The following PAN3 variants were observed in gnomAD, a reference collection of about 807,000 sequenced individuals.
The protein encoded by PAN3 is PAN2-PAN3 deadenylation complex subunit PAN3.
Under a neutral mutation model 96.2 loss-of-function variants are expected in PAN3, and 19 were observed. That is an observed-to-expected ratio of 0.20 (90% confidence interval 0.14 to 0.29). PAN3 has a LOEUF of 0.29. Among genes scored for constraint, PAN3 ranks in the 10% least tolerant of loss-of-function variants. The pLI is 1.00. For missense variants in PAN3, 882 were observed against 1,108.1 expected, an observed-to-expected ratio of 0.80 and a Z score of 2.90; for synonymous variants, 433 against 406.6, an observed-to-expected ratio of 1.06 and a Z score of -0.78.
intron 1 of PAN3, among the ~76,000 whole-genome samples, chr13:28,154,676 A>C (rs1054014834): frequency 6.6e-6 from 1 of 151,024 alleles, no homozygotes; most frequent in African/African-American, 2.4e-5. Context: ...TTGTATTTTT[A>C]GTAGAGACAG....
Position 28,177,849 on chromosome 13 carries a change from G to C in PAN3, c.620-16G>C, listed in dbSNP as rs372558632. On this transcript the variant is annotated splice_polypyrimidine_tract_variant and intron_variant, in intron 3 of 18. Transcript: ENST00000380958. Reference sequence around the variant, plus strand: ...CCAAGTTTTATGTGTGGAAACTTACGTAACTTACCTTTCAGATCCTCTAAC... The same window carrying C: ...CCAAGTTTTATGTGTGGAAACTTACCTAACTTACCTTTCAGATCCTCTAAC... 1 of 1,607,844 alleles carries C rather than the reference G, an allele frequency of 6.2e-7. No individual in the cohort carries two copies. The highest frequency in any genetic ancestry group is 1.1e-5 in the South Asian group (1 of 90,844).
intron 6 of PAN3, among the ~76,000 whole-genome samples, chr13:28,229,287 A>C (rs1234189542): frequency 6.6e-6 from 1 of 152,200 alleles, no homozygotes; most frequent in East Asian, 1.9e-4. Flanking sequence ...GCAATAACTG[A>C]TTTATCTAGC....
At chr13:28,255,779 AATTAT>A (rs1034755441) in intron 6 of PAN3, among the ~76,000 whole-genome samples, 1 of 151,662 alleles carries the variant, frequency 6.6e-6, no homozygotes, top group Non-Finnish European at 1.5e-5. Flanking sequence ...CAATTTTGTT[AATTAT>A]ATTTGGCTGA....
chr13:28,212,371 A>G (rs1178853232), intron 5 of PAN3, among the ~76,000 whole-genome samples: 1 of 152,214 alleles, frequency 6.6e-6, no homozygotes, highest in African/African-American at 2.4e-5. Flanking sequence ...TTTAGCTACA[A>G]CAGAGAGCAA....
At chr13:28,277,130 G>A in intron 14 of PAN3, 107 bp from the exon 15 acceptor site, 3 of 1,150,642 alleles carry the variant, frequency 2.6e-6, no homozygotes, top group Non-Finnish European at 3.6e-6. Flanking sequence ...GACCCTGCCT[G>A]CAGCTTATTT....
chr13:28,145,841 C>G (rs1870556573), intron 1 of PAN3, among the ~76,000 whole-genome samples: 1 of 150,842 alleles, frequency 6.6e-6, no homozygotes, highest in Non-Finnish European at 1.5e-5. Flanking sequence ...CACACTGCAG[C>G]CTCCACCTCC....
intron 18 of PAN3, among the ~76,000 whole-genome samples, chr13:28,291,584 C>T (rs1359666901): frequency 6.6e-6 from 1 of 152,214 alleles, no homozygotes; most frequent in Non-Finnish European, 1.5e-5. Flanking sequence ...AATCCCAGTA[C>T]TTTGGGAGGC....
At position 28,267,389 on chromosome 13, in the gene PAN3, A is replaced by G; in HGVS notation, c.1780A>G (p.Lys594Glu). ...CCCTAATGCTGATGCCTACTTCACC[A>G]AGAGAAAGTGGGGTAAGAAAAAGAT... is the stretch of plus-strand genomic sequence containing the variant. Reference protein sequence around the residue: ...NDPNADAYFTKRKWGQHEGPL... With the variant: ...NDPNADAYFTERKWGQHEGPL... Residue 594 changes from lysine to glutamate, a missense_variant, in exon 12 of 19, where the codon AAG becomes GAG. Transcript: ENST00000380958. The G allele has an allele frequency of 6.2e-7, 1 of 1,612,968 alleles. No individual in the cohort carries two copies. The highest frequency in any genetic ancestry group is 8.5e-7 in the Non-Finnish European group (1 of 1,179,104).
chr13:28,156,033 A>G (rs1369519504), intron 1 of PAN3, among the ~76,000 whole-genome samples: 4 of 152,324 alleles, frequency 2.6e-5, no homozygotes, highest in Non-Finnish European at 5.9e-5. Flanking sequence ...ACCACCCCCA[A>G]AGCTGGCAGA....
intron 15 of PAN3, 21 bp from the exon 16 acceptor site, chr13:28,280,390 AT>A: frequency 6.3e-7 from 1 of 1,591,240 alleles, no homozygotes; most frequent in South Asian, 1.2e-5. Context: ...CATCCAAGTA[AT>A]TCCTCTTTTA....
At chr13:28,247,559 A>C (rs1406216123) in intron 6 of PAN3, among the ~76,000 whole-genome samples, 2 of 152,090 alleles carry the variant, frequency 1.3e-5, no homozygotes, top group Non-Finnish European at 2.9e-5. Flanking sequence ...AATAGTTTCA[A>C]GTCTTAAATT....
At chr13:28,144,227 T>G (rs1032318059) in intron 1 of PAN3, among the ~76,000 whole-genome samples, 8 of 144,426 alleles carry the variant, frequency 5.5e-5, no homozygotes, top group Non-Finnish European at 1.2e-4. Context: ...TTTTTTTTTT[T>G]TTTTTTTGAT....
At chr13:28,140,883 C>T (rs115831128) in intron 1 of PAN3, among the ~76,000 whole-genome samples, 2,760 of 152,178 alleles carry the variant, frequency 0.018, 69 homozygotes, top group African/African-American at 0.063. Flanking sequence ...CACTTTCGAG[C>T]ATCAACTTTG....
chr13:28,141,300 G>T (rs1451638504), intron 1 of PAN3, among the ~76,000 whole-genome samples: 1 of 151,656 alleles, frequency 6.6e-6, no homozygotes, highest in African/African-American at 2.4e-5. Flanking sequence ...CCACTGTGCT[G>T]GCCAGAAAGA....
Position 28,263,929 on chromosome 13 carries a change from T to TA in PAN3, c.1411+2472dup, listed in dbSNP as rs148676594. On this transcript the variant is annotated intron_variant, in intron 9 of 18. Coordinates refer to ENST00000380958, the MANE Select transcript of PAN3 (RefSeq NM_175854.8). The stretch of plus-strand genomic sequence containing the variant: ...ATCAGTATGCACACAATTTTCAACT[T>TA]AGACATTTTCAAACAAACACCGCCC... Among the ~76,000 whole-genome samples the TA allele has an allele frequency of 1.4e-3, 206 of 152,300 alleles. 1 individual carries two copies. The highest frequency in any genetic ancestry group is 2.3e-3 in the Non-Finnish European group (157 of 68,018).
chr13:28,177,754 G>A (rs1875224105), intron 3 of PAN3, 111 bp from the exon 4 acceptor site: 3 of 856,262 alleles, frequency 3.5e-6, no homozygotes, highest in Non-Finnish European at 5.7e-6. Context: ...TAGGTACTAA[G>A]TTTAATTATT....
chr13:28,288,413 C>T (rs1332403045), intron 18 of PAN3, among the ~76,000 whole-genome samples: 2 of 152,126 alleles, frequency 1.3e-5, no homozygotes, highest in Non-Finnish European at 1.5e-5. Context: ...GATTCTCCTG[C>T]CTGAGCCTCC....
chr13:28,140,207 C>T (rs562871202), intron 1 of PAN3, among the ~76,000 whole-genome samples: 2 of 152,282 alleles, frequency 1.3e-5, no homozygotes, highest in South Asian at 4.1e-4. Context: ...TCCTCAGCCT[C>T]TCAGTGTGTT....
intron 5 of PAN3, among the ~76,000 whole-genome samples, chr13:28,202,379 C>G (rs1241405846): frequency 1.3e-5 from 2 of 152,060 alleles, no homozygotes; most frequent in Admixed American, 1.3e-4. Flanking sequence ...TTGTTTATTC[C>G]TTACGCATAT....
Sources: gnomAD v4.1 joint callset for allele counts (sites outside exome capture counted in the v4.1 genomes callset) on GRCh38, gnomAD v4.1.1 for gene constraint, MANE v1.5 for transcripts, NCBI Gene and HGNC (gene_info 2026-07-23, HGNC 2026-07-21) for gene names.